The following DEPTOR variants were observed in gnomAD, a reference collection of about 807,000 sequenced individuals.
DEPTOR encodes the protein DEP domain-containing mTOR-interacting protein.
A neutral mutation model predicts 41.6 loss-of-function variants in DEPTOR; 41 were observed. The observed-to-expected ratio is 0.98, with a 90% confidence interval of 0.77 to 1.28. DEPTOR has a LOEUF of 1.28. Ranked by LOEUF, DEPTOR falls within the 50% of genes most tolerant of loss-of-function variation. The pLI is 0.00. For synonymous variants in DEPTOR, 195 were observed against 192.3 expected, an observed-to-expected ratio of 1.01 and a Z score of -0.12; for missense variants, 514 against 527.9, an observed-to-expected ratio of 0.97 and a Z score of 0.26.
chr8:119,996,727 C>A (rs1812265118), intron 4 of DEPTOR, among the ~76,000 whole-genome samples: 1 of 152,050 alleles, frequency 6.6e-6, no homozygotes, highest in African/African-American at 2.4e-5. Flanking sequence ...ATTTAGAATG[C>A]TTTTCTGGAT....
chr8:119,938,821 C>T (rs1828161057), intron 3 of DEPTOR, among the ~76,000 whole-genome samples: 1 of 151,630 alleles, frequency 6.6e-6, no homozygotes, highest in African/African-American at 2.4e-5. Context: ...GCCTGCCTGC[C>T]TTCCTTCTTT....
intron 4 of DEPTOR, among the ~76,000 whole-genome samples, chr8:119,990,061 A>T (rs1253242534): frequency 6.6e-6 from 1 of 152,190 alleles, no homozygotes; most frequent in Non-Finnish European, 1.5e-5. Flanking sequence ...GATAAACAAG[A>T]TTATCTTTGA....
intron 1 of DEPTOR, among the ~76,000 whole-genome samples, chr8:119,896,692 TTCA>T (rs1827524490): frequency 6.6e-6 from 1 of 152,014 alleles, no homozygotes; most frequent in African/African-American, 2.4e-5. Context: ...GAGACGAGGT[TTCA>T]TCATGTTGGC....
chr8:120,047,493 A>G (rs1319034444), intron 8 of DEPTOR, among the ~76,000 whole-genome samples: 2 of 151,504 alleles, frequency 1.3e-5, no homozygotes, highest in Non-Finnish European at 2.9e-5. Context: ...TCAGCTTTCC[A>G]AGTAGCTGGG....
intron 3 of DEPTOR, among the ~76,000 whole-genome samples, chr8:119,946,329 A>T (rs1051638575): frequency 6.6e-6 from 1 of 152,224 alleles, no homozygotes. Context: ...AGTTAAATTT[A>T]TTGAAATGTA....
At chr8:119,948,979 G>T (rs9987104) in intron 3 of DEPTOR, among the ~76,000 whole-genome samples, 53,753 of 151,900 alleles carry the variant, frequency 0.35, 10,383 homozygotes, top group East Asian at 0.52. Context: ...TAGAGACAGG[G>T]TTTCACCATG....
chr8:119,901,413 A>T (rs905582919), intron 1 of DEPTOR, among the ~76,000 whole-genome samples: 2 of 152,158 alleles, frequency 1.3e-5, no homozygotes, highest in African/African-American at 4.8e-5. Flanking sequence ...GTGGTGGCTC[A>T]CACCTGTAAT....
intron 4 of DEPTOR, among the ~76,000 whole-genome samples, chr8:119,988,958 C>CTTTTTTTTT (rs71571643): frequency 8.5e-5 from 8 of 93,918 alleles, no homozygotes; most frequent in Middle Eastern, 9.4e-3. Context: ...TTTTTTTTTT[C>CTTTTTTTTT]TTTTTTTTTT....
At chr8:119,928,743 CTT>C (rs376801517) in intron 2 of DEPTOR, among the ~76,000 whole-genome samples, 165 bp downstream of exon 2, 16,794 of 127,886 alleles carry the variant, frequency 0.13, 517 homozygotes, top group African/African-American at 0.22. Context: ...TGGGTTCTTT[CTT>C]TTTTTTTTTT....
intron 4 of DEPTOR, among the ~76,000 whole-genome samples, chr8:119,970,425 G>C (rs1828617154): frequency 6.6e-6 from 1 of 152,144 alleles, no homozygotes; most frequent in Admixed American, 6.5e-5. Flanking sequence ...GTAGCTACTA[G>C]GTGTTGTGTC....
chr8:119,996,779 A>T (rs1478912282), intron 4 of DEPTOR, among the ~76,000 whole-genome samples: 1 of 152,198 alleles, frequency 6.6e-6, no homozygotes, highest in African/African-American at 2.4e-5. Flanking sequence ...TCACTGTGCA[A>T]AGAGAAAACA....
In DEPTOR at chr8:119,956,881, CCCA is replaced by C. The variant is rs569335556; in HGVS notation, c.426-8343_426-8341del. Among the ~76,000 whole-genome samples the C allele has an allele frequency of 5.3e-5, 8 of 151,888 alleles. No individual in the cohort carries two copies. In the South Asian group the frequency reaches 1.5e-3, roughly 28 times the overall value. The stretch of plus-strand genomic sequence containing the variant: ...TCCCAAGCAGCTGGGATTATAGGCA[CCCA>C]CCACCACACCCAGCTAATTTTTTTG... On this transcript the variant is annotated intron_variant, in intron 3 of 8. Coordinates refer to ENST00000286234, the MANE Select transcript of DEPTOR (RefSeq NM_022783.4).
At chr8:120,029,059 G>A (rs1389373832) in intron 8 of DEPTOR, among the ~76,000 whole-genome samples, 2 of 128,950 alleles carry the variant, frequency 1.6e-5, no homozygotes, top group African/African-American at 6.0e-5. Context: ...GGCAACAAGA[G>A]CAAAACTCCA....
intron 8 of DEPTOR, among the ~76,000 whole-genome samples, chr8:120,013,562 G>C (rs1052468740): frequency 6.6e-6 from 1 of 152,220 alleles, no homozygotes; most frequent in African/African-American, 2.4e-5. Flanking sequence ...TGCCCTGTGG[G>C]AAGGATCCGC....
chr8:119,941,373 C>CAAAAAAAAAA (rs749120675), intron 3 of DEPTOR, among the ~76,000 whole-genome samples: 1 of 39,960 alleles, frequency 2.5e-5, no homozygotes, highest in Non-Finnish European at 4.2e-5. Context: ...ATCTCCATCT[C>CAAAAAAAAAA]AAAAAAAAAA....
At chr8:120,042,371 A>C (rs1484839889) in intron 8 of DEPTOR, among the ~76,000 whole-genome samples, 1 of 152,190 alleles carries the variant, frequency 6.6e-6, no homozygotes, top group Non-Finnish European at 1.5e-5. Flanking sequence ...ATTCATTATA[A>C]CTGAATATGT....
At position 120,016,911 on chromosome 8, in the gene DEPTOR, C is replaced by A. The variant is rs534219981; in HGVS notation, c.1101+7778C>A. Reference sequence around the variant, plus strand: ...TACAGGCTTAAGCCATCATGCCCAACCTCAATGTATGAATTCTGGGAATAC... The same window carrying A: ...TACAGGCTTAAGCCATCATGCCCAAACTCAATGTATGAATTCTGGGAATAC... On this transcript the variant is annotated intron_variant, in intron 8 of 8. Transcript: ENST00000286234. Among the ~76,000 whole-genome samples, 73 of 152,292 alleles carry A rather than the reference C, an allele frequency of 4.8e-4. No homozygotes were observed. In the South Asian group the frequency reaches 0.015, roughly 31 times the overall value.
In DEPTOR at chr8:119,920,840, G is replaced by A. The variant is rs76838920; in HGVS notation, c.123-7560G>A. Reference sequence around the variant, plus strand: ...AACTGGAAAACTCTAAGGATCTGAGGAACTCCTGCAACTTGTTCCTCTTGC... The same window carrying A: ...AACTGGAAAACTCTAAGGATCTGAGAAACTCCTGCAACTTGTTCCTCTTGC... On this transcript the variant is annotated intron_variant, in intron 1 of 8. Transcript: ENST00000286234. 7.3e-3 allele frequency among the ~76,000 whole-genome samples: 1,104 copies of A among 152,264 alleles called. 11 individuals are homozygous for A. Among genetic ancestry groups the A allele is most frequent in the African/African-American group, 0.024 (1,008 of 41,546 alleles).
At chr8:119,916,276 T>TGG (rs1827813279) in intron 1 of DEPTOR, among the ~76,000 whole-genome samples, 1 of 145,772 alleles carries the variant, frequency 6.9e-6, no homozygotes, top group African/African-American at 2.6e-5. Context: ...ATTTTTTTTT[T>TGG]TTTTTTTTTT....
Sources: gnomAD v4.1 joint callset for allele counts (sites outside exome capture counted in the v4.1 genomes callset) on GRCh38, gnomAD v4.1.1 for gene constraint, MANE v1.5 for transcripts, NCBI Gene and HGNC (gene_info 2026-07-23, HGNC 2026-07-21) for gene names.